CIMIP2B: variants seen among roughly 807,000 people sequenced by gnomAD.
CIMIP2B encodes family with sequence similarity 166 member B.
the CIMIP2B span, chr9:35,562,147 T>TTTAA: frequency 7.3e-7 from 1 of 1,373,776 alleles, no homozygotes; most frequent in Non-Finnish European, 9.8e-7. Context: ...GGCAAAGCCA[T>TTTAA]TTAATTCTCA....
At chr9:35,563,240 T>C in the CIMIP2B span, 1 of 1,613,922 alleles carries the variant, frequency 6.2e-7, no homozygotes, top group East Asian at 2.2e-5. Flanking sequence ...CCTGGGAACC[T>C]CAGGAGATCT....
chr9:35,563,315 C>T, the CIMIP2B span: 28 of 1,613,804 alleles, frequency 1.7e-5, no homozygotes, highest in East Asian at 2.7e-4. Flanking sequence ...AGGAGGGCCT[C>T]GAAGTAGCTG....
the CIMIP2B span, chr9:35,562,603 TC>T: frequency 3.1e-6 from 5 of 1,610,180 alleles, no homozygotes; most frequent in East Asian, 1.1e-4. Flanking sequence ...AGCCAAGGCA[TC>T]CTGGGGCCTC....
chr9:35,561,885 C>T, the CIMIP2B span: 1 of 722,432 alleles, frequency 1.4e-6, no homozygotes, highest in Non-Finnish European at 2.4e-6. Context: ...AAAAGGTGCT[C>T]AGCCTCCAAA....
chr9:35,561,882 GC>G, the CIMIP2B span: 1 of 709,290 alleles, frequency 1.4e-6, no homozygotes, highest in Non-Finnish European at 2.5e-6. Context: ...TAAAAAAGGT[GC>G]TCAGCCTCCA....
At chr9:35,562,964 C>T in the CIMIP2B span, 1 of 1,614,020 alleles carries the variant, frequency 6.2e-7, no homozygotes, top group South Asian at 1.1e-5. Flanking sequence ...CCCTTGGCCT[C>T]CTTTGGTAGC....
chr9:35,562,521 C>T, the CIMIP2B span: 1 of 1,576,236 alleles, frequency 6.3e-7, no homozygotes, highest in Non-Finnish European at 8.6e-7. Context: ...TTGGTGAGCA[C>T]AGGAAAGCTG....
At chr9:35,563,328 CAGTCACCTGCCCATAGGTCTG>C in the CIMIP2B span, 5 of 1,613,922 alleles carry the variant, frequency 3.1e-6, no homozygotes, top group South Asian at 5.5e-5. Flanking sequence ...AGTAGCTGAC[CAGTCACCTGCCCATAGGTCTG>C]GCCCACGCTG....
the CIMIP2B span, chr9:35,563,021 C>T: frequency 6.2e-7 from 1 of 1,614,036 alleles, no homozygotes; most frequent in South Asian, 1.1e-5. Context: ...TCACTCAGAG[C>T]CTCGGCCCAG....
At chr9:35,561,919 A>AAC in the CIMIP2B span, 1 of 109,272 alleles carries the variant, frequency 9.2e-6, no homozygotes, top group Non-Finnish European at 1.9e-5. Flanking sequence ...GTGTTCCCCC[A>AAC]CCCTCCCACC....
the CIMIP2B span, chr9:35,562,802 C>T: frequency 1.2e-6 from 2 of 1,609,052 alleles, no homozygotes; most frequent in Middle Eastern, 1.7e-4. Flanking sequence ...CTCATGCTGC[C>T]CCCACTGCCC....
chr9:35,562,592 G>C, the CIMIP2B span: 1 of 1,607,770 alleles, frequency 6.2e-7, no homozygotes, highest in Non-Finnish European at 8.5e-7. Context: ...TGGGGACACT[G>C]AGCCAAGGCA....
the CIMIP2B span, chr9:35,562,040 G>A: frequency 6.5e-7 from 1 of 1,535,416 alleles, no homozygotes; most frequent in African/African-American, 1.4e-5. Context: ...AGGTGCTGAG[G>A]CCCAGAGCAT....
At chr9:35,561,971 A>AGGAT in the CIMIP2B span, 1 of 898,764 alleles carries the variant, frequency 1.1e-6, no homozygotes, top group Non-Finnish European at 1.6e-6. Context: ...TGGCTGGGAT[A>AGGAT]GGATGAAAAG....
chr9:35,562,002 G>A, the CIMIP2B span: 3 of 1,311,208 alleles, frequency 2.3e-6, no homozygotes, highest in Non-Finnish European at 3.0e-6. Context: ...TTGATGTCCA[G>A]TGGCCTAAGC....
chr9:35,563,481 G>A, the CIMIP2B span: 3 of 1,006,548 alleles, frequency 3.0e-6, no homozygotes, highest in Non-Finnish European at 4.5e-6. Context: ...GATCTTTCTG[G>A]ACTCAGCAGT....
the CIMIP2B span, chr9:35,562,585 G>A: frequency 1.2e-6 from 2 of 1,605,508 alleles, no homozygotes; most frequent in East Asian, 2.2e-5. Flanking sequence ...CTGAGGATGG[G>A]GACACTGAGC....
the CIMIP2B span, chr9:35,562,382 G>T: frequency 6.8e-7 from 1 of 1,473,474 alleles, no homozygotes; most frequent in South Asian, 1.4e-5. Context: ...CTTCTCACCT[G>T]GCACGTAGCC....
chr9:35,563,132 T>A, the CIMIP2B span: 1 of 1,613,428 alleles, frequency 6.2e-7, no homozygotes, highest in East Asian at 2.2e-5. Context: ...CACATGCTCC[T>A]GGGAGGGGCA....
Sources: gnomAD v4.1 joint callset for allele counts on GRCh38, gnomAD v4.1.1 for gene constraint, MANE v1.5 for transcripts, NCBI Gene and HGNC (gene_info 2026-07-23, HGNC 2026-07-21) for gene names.